Variants in CUZD1 observed in about 807,000 individuals in gnomAD.
CUZD1 encodes CUB and zona pellucida like domains 1.
In CUZD1, 42 loss-of-function variants were observed where a neutral mutation model predicts 53.1. The ratio of observed to expected loss-of-function variants is 0.79; its 90% CI spans 0.62 to 1.02. The LOEUF (loss-of-function observed/expected upper bound fraction) is 1.02, where lower values mean the gene tolerates loss of function less well. CUZD1 is among the 50% of genes least tolerant of loss of function. The pLI, the probability that CUZD1 is intolerant of heterozygous loss-of-function variation, is 0.00. For synonymous variants in CUZD1, 238 were observed against 257.2 expected (o/e 0.93, Z 0.71); for missense variants, 670 against 715.7 (o/e 0.94, Z 0.73).
chr10:122,841,070 C>T (rs1847333520), intron 2 of CUZD1, 108 bp downstream of exon 2: 2 of 1,050,684 alleles, frequency 1.9e-6, no homozygotes, highest in East Asian at 4.8e-5. Context: ...GTCAGTGTCA[C>T]TACCACCTCT....
intron 1 of CUZD1, 55 bp downstream of exon 1, chr10:122,845,707 T>G: frequency 6.6e-7 from 1 of 1,514,712 alleles, no homozygotes; most frequent in Non-Finnish European, 9.1e-7. Context: ...GAAAGAGGCC[T>G]CTTAAGAGAA....
intron 6 of CUZD1, among the ~76,000 whole-genome samples, chr10:122,835,397 C>T (rs1002671270): frequency 6.6e-6 from 1 of 152,106 alleles, no homozygotes; most frequent in African/African-American, 2.4e-5. Flanking sequence ...AGACATTACA[C>T]CTTACTATAT....
rs916446155 is a variant in CUZD1, at chr10:122,837,743, G to C, written c.449-189C>G. 3.3e-5 allele frequency: 17 copies of C among 516,342 alleles called. 1 individual carries two copies. In the Admixed American group the frequency reaches 4.9e-4, roughly 15 times the overall value. 32.0% of individuals were successfully genotyped at this position (516,342 alleles called of 1,614,324 possible). A position where few individuals can be genotyped will look rare whatever the true frequency, so the allele number is the denominator to read the frequency against. Reference sequence around the variant, plus strand: ...TTTCTGTCCACTGGTGCAGGGCAGAGAGGGAATCTTTATACTATTGCCAAA... The same window carrying C: ...TTTCTGTCCACTGGTGCAGGGCAGACAGGGAATCTTTATACTATTGCCAAA... On this transcript the variant is annotated intron_variant, in intron 3 of 8. Transcript: ENST00000392790.
chr10:122,836,102 C>T (rs1847245812), intron 6 of CUZD1, 76 bp downstream of exon 6: 1 of 1,354,338 alleles, frequency 7.4e-7, no homozygotes, highest in East Asian at 2.5e-5. Flanking sequence ...CAGCAGCTAG[C>T]AAGCATTACC....
In CUZD1 at chr10:122,836,208, G is replaced by A; in HGVS notation, c.960C>T (p.Val320=). 6.2e-7 allele frequency: 1 copy of A among 1,608,454 alleles called. No homozygotes were observed. Among genetic ancestry groups the A allele is most frequent in the Non-Finnish European group, 8.5e-7 (1 of 1,178,392 alleles). ...PKLSNVVEFS[V]PLNGCGTIRK... ...TGATTGTACCACATCCATTAAGAGG[G>A]ACAGAAAATTCCACAACATTTGATA... Residue 320 remains valine (V), a synonymous_variant, in exon 6 of 9, where the codon GTC becomes GTT. Coordinates refer to ENST00000392790, the MANE Select transcript of CUZD1 (RefSeq NM_022034.6).
At chr10:122,844,323 A>G (rs1847399008) in intron 1 of CUZD1, among the ~76,000 whole-genome samples, 1 of 152,130 alleles carries the variant, frequency 6.6e-6, no homozygotes, top group Admixed American at 6.6e-5. Context: ...GGCTTGAGCC[A>G]TCATGCTGAG....
In CUZD1 at chr10:122,833,894, AGT is replaced by A. The variant is rs771733353; in HGVS notation, c.1427_1428del (p.His476LeufsTer7). ...AAGGCATTAAACTGGAATCTCCCAT[AGT>A]GTCCAAATAAGGGATACACCTTACA... is the stretch of plus-strand genomic sequence containing the variant. ...ETCKVYPLFG[H>X]YGRFQFNAFK... is the part of the protein sequence containing the mutation. On this transcript the variant is annotated frameshift_variant, in exon 8 of 9. Transcript: ENST00000392790. LOFTEE classifies it high-confidence loss of function. 5 of 1,613,834 alleles carry A rather than the reference AGT, an allele frequency of 3.1e-6. No individual in the cohort carries two copies. The South Asian group carries it at 5.5e-5, about 18-fold the overall frequency.
intron 3 of CUZD1, 66 bp downstream of exon 3, chr10:122,838,951 G>T: frequency 1.6e-6 from 2 of 1,234,302 alleles, no homozygotes; most frequent in Non-Finnish European, 2.4e-6. Context: ...TAAGAACCCG[G>T]ACAGAAGAGT....
chr10:122,841,454 G>C, intron 1 of CUZD1, 126 bp from the exon 2 acceptor site: 1 of 894,640 alleles, frequency 1.1e-6, no homozygotes, highest in Non-Finnish European at 1.6e-6. Context: ...ATGGTACTTA[G>C]CTTTCTCCAA....
chr10:122,841,648 CAT>C (rs1393738390), intron 1 of CUZD1, among the ~76,000 whole-genome samples: 1 of 152,138 alleles, frequency 6.6e-6, no homozygotes, highest in East Asian at 1.9e-4. Context: ...ATCACCAGGT[CAT>C]ATGTTAAGTG....
rs201662828 is a variant in CUZD1, at chr10:122,834,968, C to T, written c.1120G>A (p.Glu374Lys). ...KCEMGHNSTV[E>K]IIYITEDDVI... ...TCATCTTCTGTTATGTATATTATCT[C>T]CACTGTAGAATTATGTCCCATTTCA... is the stretch of plus-strand genomic sequence containing the variant. Residue 374 changes from glutamate (E) to lysine (K), a missense_variant, in exon 7 of 9, where the codon GAG becomes AAG. Coordinates refer to ENST00000392790, the MANE Select transcript of CUZD1 (RefSeq NM_022034.6). 6.2e-7 allele frequency: 1 copy of T among 1,613,802 alleles called. No individual in the cohort carries two copies. The highest frequency in any genetic ancestry group is 8.5e-7 in the Non-Finnish European group (1 of 1,179,808).
intron 1 of CUZD1, among the ~76,000 whole-genome samples, chr10:122,841,985 G>T (rs1002698172): frequency 6.6e-6 from 1 of 151,310 alleles, no homozygotes. Flanking sequence ...TTCATGATTG[G>T]GTTTTGAGAG....
At chr10:122,843,509 G>A (rs946975292) in intron 1 of CUZD1, among the ~76,000 whole-genome samples, 3 of 152,082 alleles carry the variant, frequency 2.0e-5, no homozygotes, top group South Asian at 2.1e-4. Context: ...TACATGTTCT[G>A]TAACCAACCC....
chr10:122,843,179 T>A (rs943506742), intron 1 of CUZD1, among the ~76,000 whole-genome samples: 4 of 152,174 alleles, frequency 2.6e-5, no homozygotes, highest in Admixed American at 2.6e-4. Flanking sequence ...GCAACATTAG[T>A]CATAATAAGC....
At chr10:122,834,162 A>T (rs1045015398) in intron 7 of CUZD1, among the ~76,000 whole-genome samples, 1 of 152,196 alleles carries the variant, frequency 6.6e-6, no homozygotes, top group Non-Finnish European at 1.5e-5. Context: ...TTAATCAGAA[A>T]ACCAATACTT....
Position 122,837,502 on chromosome 10 carries a change from G to C in CUZD1, c.501C>G (p.Ser167Arg). The C allele has an allele frequency of 6.2e-7, 1 of 1,609,418 alleles. No homozygotes were observed. ...YLDTLEGSFT[S>R]PNYPKPHPEL... ...CAGGATGCGGCTTTGGGTAATTGGG[G>C]CTGGTGAAGGATCCTTCCAAGGTAT... Residue 167 changes from serine to arginine, a missense_variant, in exon 4 of 9, where the codon AGC becomes AGG. By Grantham distance (110) the Ser-to-Arg change is moderately radical. Transcript: ENST00000392790.
chr10:122,832,429 G>A lies in CUZD1; in HGVS notation c.1673C>T (p.Ala558Val), dbSNP rs537927731. ...GNSGFQHETH[A>V]EETPNQPFNS... is the part of the protein sequence containing the mutation. ...GAAAGGCTGGTTTGGAGTTTCTTCC[G>A]CATGTGTTTCATGCTGAAATCCTAA... The change falls in exon 9 of 9, where the codon GCG (alanine) becomes GTG (valine). Residue 558 changes from alanine (A) to valine (V), a missense_variant. By Grantham distance (64) the Ala-to-Val change is moderately conservative (BLOSUM62 0). Coordinates refer to ENST00000392790, the MANE Select transcript of CUZD1 (RefSeq NM_022034.6). 32 of 1,613,654 alleles carry A rather than the reference G, an allele frequency of 2.0e-5. No individual in the cohort carries two copies. The highest frequency in any genetic ancestry group is 1.4e-4 in the South Asian group (13 of 91,014).
chr10:122,837,647 T>C (rs1847274741), intron 3 of CUZD1, 93 bp from the exon 4 acceptor site: 24 of 1,196,216 alleles, frequency 2.0e-5, no homozygotes, highest in Non-Finnish European at 2.8e-5. Context: ...ACATCTCTCC[T>C]GAGTATGATT....
chr10:122,838,940 A>T, intron 3 of CUZD1, 77 bp downstream of exon 3: 2 of 1,127,646 alleles, frequency 1.8e-6, no homozygotes, highest in East Asian at 2.4e-5. Context: ...ACTGAAGATT[A>T]TAAGAACCCG....
Sources: gnomAD v4.1 joint callset for allele counts (sites outside exome capture counted in the v4.1 genomes callset) on GRCh38, gnomAD v4.1.1 for gene constraint, MANE v1.5 for transcripts, NCBI Gene and HGNC (gene_info 2026-07-23, HGNC 2026-07-21) for gene names.